Variants in TENT4B observed in about 807,000 individuals in gnomAD.
The protein encoded by TENT4B is terminal nucleotidyltransferase 4B, also known as PAP associated domain containing 5.
A neutral mutation model predicts 75.0 loss-of-function variants in TENT4B; 10 were observed. That is an observed-to-expected ratio of 0.13 (90% CI 0.08 to 0.23). The LOEUF (loss-of-function observed/expected upper bound fraction) is 0.23. TENT4B is among the 10% of genes least tolerant of loss of function. The pLI is 1.00. For missense variants in TENT4B, 579 were observed against 893.8 expected (o/e 0.65, Z 4.49); for synonymous variants, 350 against 357.7 (o/e 0.98, Z 0.24).
chr16:50,192,850 G>C (rs1269334163), intron 1 of TENT4B, among the ~76,000 whole-genome samples: 1 of 152,172 alleles, frequency 6.6e-6, no homozygotes, highest in Non-Finnish European at 1.5e-5. Context: ...ACTTTGGGAG[G>C]CTGGGTGGAT....
rs536774146 is a variant in TENT4B, at chr16:50,225,989, TTTTTCTTTTC to T, written c.1800+719_1800+728del. Among the ~76,000 whole-genome samples the T allele has an allele frequency of 3.8e-3, 558 of 148,770 alleles. 6 individuals are homozygous for T. Among genetic ancestry groups the T allele is most frequent in the South Asian group, 0.014 (68 of 4,716 alleles). Reference sequence around the variant, plus strand: ...GAGCCACCACACCTGGCCTTTAACGTTTTTCTTTTCTTTTCTTTTCTTTTTTTTGAGACGG... The same window carrying T: ...GAGCCACCACACCTGGCCTTTAACGTTTTTCTTTTCTTTTTTTTGAGACGG... On this transcript the variant is annotated intron_variant, in intron 10 of 11. Coordinates refer to ENST00000561678, the MANE Select transcript of TENT4B (RefSeq NM_001365324.3).
At chr16:50,164,676 C>CT (rs2038066065) in intron 1 of TENT4B, among the ~76,000 whole-genome samples, 1 of 151,998 alleles carries the variant, frequency 6.6e-6, no homozygotes, top group South Asian at 2.1e-4. Context: ...GGTTTTCAAT[C>CT]TAAATTTTTT....
At chr16:50,154,719 G>A (rs1329750199) in intron 1 of TENT4B, among the ~76,000 whole-genome samples, 1 of 152,026 alleles carries the variant, frequency 6.6e-6, no homozygotes, top group Non-Finnish European at 1.5e-5. Flanking sequence ...TTTTGATGGT[G>A]CAGGACCCGG....
At chr16:50,197,622 T>C (rs2030358037) in intron 1 of TENT4B, among the ~76,000 whole-genome samples, 1 of 152,148 alleles carries the variant, frequency 6.6e-6, no homozygotes. Context: ...ATTTGCAAAT[T>C]GGGCAGCCTC....
intron 1 of TENT4B, among the ~76,000 whole-genome samples, chr16:50,176,835 C>G (rs1426613297): frequency 4.6e-5 from 7 of 151,778 alleles, no homozygotes; most frequent in Non-Finnish European, 1.0e-4. Flanking sequence ...TTGTTAGATT[C>G]AGTTTGCTAG....
chr16:50,177,994 T>G (rs1209676890), intron 1 of TENT4B, among the ~76,000 whole-genome samples: 1 of 152,174 alleles, frequency 6.6e-6, no homozygotes, highest in East Asian at 1.9e-4. Context: ...GTGTATTGTT[T>G]AATCTCCAAG....
At chr16:50,180,892 T>G (rs751502128) in intron 1 of TENT4B, among the ~76,000 whole-genome samples, 3 of 152,140 alleles carry the variant, frequency 2.0e-5, no homozygotes, top group African/African-American at 7.2e-5. Flanking sequence ...CTGTTGGAAG[T>G]CCTCAAACTT....
Position 50,230,225 on chromosome 16 carries a change from G to T in TENT4B, c.*897G>T. 1 of 982,228 alleles carries T rather than the reference G, an allele frequency of 1.0e-6. No individual in the cohort carries two copies. The highest frequency in any genetic ancestry group is 1.2e-6 in the Non-Finnish European group (1 of 829,444). 60.8% of individuals were successfully genotyped at this position (982,228 alleles called of 1,614,324 possible). A position where few individuals can be genotyped will look rare whatever the true frequency, so the allele number is the denominator to read the frequency against. ...GTTTTCTATAGTGCTGTCGTCTTGG[G>T]CAATGGGCAATTACATGACTTTGTG... is the stretch of plus-strand genomic sequence containing the variant. On this transcript the variant is annotated 3_prime_UTR_variant, in exon 12 of 12. Transcript: ENST00000561678.
intron 11 of TENT4B, 123 bp downstream of exon 11, chr16:50,228,126 A>G: frequency 8.1e-7 from 1 of 1,237,964 alleles, no homozygotes; most frequent in Non-Finnish European, 1.1e-6. Flanking sequence ...AACTTATTTT[A>G]TTCTAAGAGG....
chr16:50,218,451 C>T (rs977706180), intron 5 of TENT4B, among the ~76,000 whole-genome samples: 4 of 152,072 alleles, frequency 2.6e-5, no homozygotes, highest in Non-Finnish European at 4.4e-5. Context: ...ATTCTTCTGC[C>T]TCAGTCTCAT....
chr16:50,203,779 C>T (rs1359565409), intron 1 of TENT4B, among the ~76,000 whole-genome samples: 9 of 152,186 alleles, frequency 5.9e-5, no homozygotes, highest in Admixed American at 5.9e-4. Context: ...CCCCTGTGAA[C>T]AGAAGGTCCC....
At chr16:50,167,718 T>TG (rs2038129036) in intron 1 of TENT4B, among the ~76,000 whole-genome samples, 1 of 152,008 alleles carries the variant, frequency 6.6e-6, no homozygotes, top group African/African-American at 2.4e-5. Context: ...AGTGCAGTGG[T>TG]GTGATCTTGG....
intron 4 of TENT4B, among the ~76,000 whole-genome samples, chr16:50,216,839 G>A (rs1170077929): frequency 1.3e-5 from 2 of 151,890 alleles, no homozygotes; most frequent in East Asian, 1.9e-4. Flanking sequence ...ATTTTTTTTT[G>A]TAGAGATAGG....
At position 50,231,625 on chromosome 16, in the gene TENT4B, G is replaced by C. The variant is rs573414706; in HGVS notation, c.*2297G>C. On this transcript the variant is annotated 3_prime_UTR_variant, in exon 12 of 12. Coordinates refer to ENST00000561678, the MANE Select transcript of TENT4B (RefSeq NM_001365324.3). ...AATCTTAGGTTTTCGTAAATTTATT[G>C]GGAAAATAGTTTTTCCTGTACTGCT... 4 of 985,710 alleles carry C rather than the reference G, an allele frequency of 4.1e-6. No individual in the cohort carries two copies. The African/African-American group carries it at 7.0e-5, about 17-fold the overall frequency. 61.1% of individuals were successfully genotyped at this position (985,710 alleles called of 1,614,324 possible). A position where few individuals can be genotyped will look rare whatever the true frequency, so the allele number is the denominator to read the frequency against.
intron 1 of TENT4B, among the ~76,000 whole-genome samples, chr16:50,208,502 C>T (rs1168433469): frequency 6.6e-6 from 1 of 151,448 alleles, no homozygotes; most frequent in East Asian, 1.9e-4. Flanking sequence ...ACAAGGTGAC[C>T]CAGTCCATCC....
intron 1 of TENT4B, among the ~76,000 whole-genome samples, chr16:50,158,341 C>T (rs1053640468): frequency 3.3e-5 from 5 of 152,098 alleles, no homozygotes; most frequent in African/African-American, 1.2e-4. Flanking sequence ...CCCACCTTGG[C>T]TTCCCAAAGT....
upstream of TENT4B, chr16:50,153,021 C>G (rs1248616428): frequency 4.6e-6 from 7 of 1,515,702 alleles, no homozygotes; most frequent in Admixed American, 1.4e-4. Flanking sequence ...TCAGAAGCTC[C>G]CGGACGCCCA....
intron 1 of TENT4B, among the ~76,000 whole-genome samples, chr16:50,172,637 A>G (rs1597232191): frequency 1.3e-5 from 2 of 152,210 alleles, no homozygotes; most frequent in Non-Finnish European, 2.9e-5. Flanking sequence ...TTACAACTGA[A>G]GAGCCAAATA....
rs777735664 is a variant in TENT4B at position 50,229,301 on chromosome 16, C to T, written c.2115C>T (p.Asp705=). 8.1e-6 allele frequency: 13 copies of T among 1,613,482 alleles called. No individual in the cohort carries two copies. Among genetic ancestry groups the T allele is most frequent in the African/African-American group, 2.7e-5 (2 of 74,864 alleles). ...YHGKKRKHKR[D]APLSDLCR ...GCAAAAAGAGGAAACACAAGAGGGACGCGCCCCTCTCAGACCTCTGTAGAT... is the reference window on the plus strand; with the variant it reads ...GCAAAAAGAGGAAACACAAGAGGGATGCGCCCCTCTCAGACCTCTGTAGAT... Residue 705 remains aspartate, a synonymous_variant, in exon 12 of 12, where the codon GAC becomes GAT. Transcript: ENST00000561678.
Sources: gnomAD v4.1 joint callset for allele counts (sites outside exome capture counted in the v4.1 genomes callset) on GRCh38, gnomAD v4.1.1 for gene constraint, MANE v1.5 for transcripts, NCBI Gene and HGNC (gene_info 2026-07-23, HGNC 2026-07-21) for gene names.